The following EXOC4 variants were observed in gnomAD, a reference collection of about 807,000 sequenced individuals.
EXOC4 encodes exocyst complex component 4.
A neutral mutation model predicts 107.2 loss-of-function variants in EXOC4; 71 were observed. The ratio of observed to expected loss-of-function variants is 0.66; its 90% CI spans 0.55 to 0.81. The LOEUF is 0.81. EXOC4 is among the 30% of genes least tolerant of loss of function. The pLI, the probability that EXOC4 is intolerant of heterozygous loss-of-function variation, is 0.00. For synonymous variants in EXOC4, 456 were observed against 441.2 expected (o/e 1.03, Z -0.42); for missense variants, 1,108 against 1,189.6 (o/e 0.93, Z 1.01).
chr7:133,757,085 C>T (rs1030966366), intron 10 of EXOC4, among the ~76,000 whole-genome samples: 3 of 152,138 alleles, frequency 2.0e-5, no homozygotes, highest in Admixed American at 2.0e-4. Flanking sequence ...TTCGAGATTT[C>T]GTTTTCTGTG....
At chr7:133,857,148 G>GTATA (rs60382657) in intron 11 of EXOC4, among the ~76,000 whole-genome samples, 6 of 20,712 alleles carry the variant, frequency 2.9e-4, no homozygotes, top group East Asian at 1.2e-3. Context: ...ACACATACAC[G>GTATA]TATATATATA....
intron 11 of EXOC4, among the ~76,000 whole-genome samples, chr7:133,876,091 G>A (rs1313628357): frequency 6.6e-6 from 1 of 152,136 alleles, no homozygotes; most frequent in Non-Finnish European, 1.5e-5. Flanking sequence ...TTTGCTATAA[G>A]CTCATCTATA....
chr7:133,602,112 C>T (rs945986190), intron 9 of EXOC4: 2 of 152,194 alleles, frequency 1.3e-5, no homozygotes, highest in Non-Finnish European at 2.9e-5. Flanking sequence ...AAATATACAA[C>T]TCCAAATAGA....
At chr7:133,386,921 C>A (rs1796739951) in intron 7 of EXOC4, among the ~76,000 whole-genome samples, 1 of 152,056 alleles carries the variant, frequency 6.6e-6, no homozygotes, top group Non-Finnish European at 1.5e-5. Flanking sequence ...AGACAGTGCA[C>A]TATAATGTAT....
intron 7 of EXOC4, among the ~76,000 whole-genome samples, chr7:133,460,790 G>A (rs1409253885): frequency 6.6e-6 from 1 of 152,108 alleles, no homozygotes; most frequent in African/African-American, 2.4e-5. Context: ...AGAAATTGGT[G>A]ATATTAAGTT....
At chr7:133,992,394 C>T (rs1378789673) in intron 14 of EXOC4, among the ~76,000 whole-genome samples, 1 of 151,988 alleles carries the variant, frequency 6.6e-6, no homozygotes, top group African/African-American at 2.4e-5. Flanking sequence ...GTGATCCTCC[C>T]GCCTCAGCCT....
chr7:134,073,205 C>CAA, the EXOC4 span, among the ~76,000 whole-genome samples: 8,186 of 22,524 alleles, frequency 0.36, 2,708 homozygotes, highest in Non-Finnish European at 0.4. Context: ...GACTTCCTCT[C>CAA]AAAAAAAAAA....
intron 17 of EXOC4, among the ~76,000 whole-genome samples, chr7:134,015,094 AAAG>A (rs1794870525): frequency 6.6e-6 from 1 of 152,198 alleles, no homozygotes; most frequent in Admixed American, 6.5e-5. Context: ...GGAGGTGGTG[AAAG>A]AAGAGACCTG....
intron 10 of EXOC4, among the ~76,000 whole-genome samples, chr7:133,705,907 T>C (rs1248453375): frequency 6.6e-6 from 1 of 152,192 alleles, no homozygotes; most frequent in Non-Finnish European, 1.5e-5. Context: ...TGGAACACAA[T>C]TGACTGCAGA....
Position 133,649,500 on chromosome 7 carries a change from A to G in EXOC4, c.1514+19359A>G, listed in dbSNP as rs539282254. On this transcript the variant is annotated intron_variant, in intron 10 of 17. Transcript: ENST00000253861. ...TTTTTTTTTTTAACCAGTAAAGATT[A>G]TTTATAACTTTGATTTCTTTCATGC... 5.4e-5 allele frequency among the ~76,000 whole-genome samples: 5 copies of G among 92,432 alleles called. No individual in the cohort carries two copies. The South Asian group carries it at 9.8e-4, about 18-fold the overall frequency. The allele number at this position is 92,432 out of a possible 152,430, so 60.6% of individuals were successfully genotyped here.
chr7:133,531,998 A>G (rs1427555121), intron 9 of EXOC4, among the ~76,000 whole-genome samples: 1 of 152,062 alleles, frequency 6.6e-6, no homozygotes, highest in African/African-American at 2.4e-5. Context: ...TGTTTTTTAT[A>G]TACATAGCCT....
intron 10 of EXOC4, among the ~76,000 whole-genome samples, chr7:133,694,950 G>C (rs1044698520): frequency 2.0e-5 from 3 of 152,132 alleles, no homozygotes; most frequent in African/African-American, 7.2e-5. Context: ...AGCCTCCCGA[G>C]TAGCTGGGAT....
At chr7:134,047,676 C>T (rs752351552) in intron 17 of EXOC4, among the ~76,000 whole-genome samples, 7 of 151,114 alleles carry the variant, frequency 4.6e-5, no homozygotes, top group South Asian at 2.1e-4. Context: ...GAGTTTGAGT[C>T]GTGTCCATCA....
intron 4 of EXOC4, chr7:133,315,415 G>A (rs1426838911): frequency 6.6e-6 from 1 of 152,174 alleles, no homozygotes; most frequent in East Asian, 1.9e-4. Flanking sequence ...ACACCATTAG[G>A]GTGGCACGGA....
intron 17 of EXOC4, among the ~76,000 whole-genome samples, chr7:134,055,032 G>C (rs1795889624): frequency 6.6e-6 from 1 of 152,166 alleles, no homozygotes; most frequent in African/African-American, 2.4e-5. Context: ...TAAGGATTTA[G>C]TTAATACACC....
At chr7:133,944,274 T>C (rs943233451) in intron 14 of EXOC4, among the ~76,000 whole-genome samples, 2 of 152,186 alleles carry the variant, frequency 1.3e-5, no homozygotes, top group Non-Finnish European at 2.9e-5. Flanking sequence ...TATCACATAG[T>C]GATGTCTCCT....
chr7:133,266,380 C>T (rs1793731501), intron 1 of EXOC4, among the ~76,000 whole-genome samples: 1 of 152,148 alleles, frequency 6.6e-6, no homozygotes. Context: ...GGGAGGGACA[C>T]AGTTCAATTT....
chr7:133,800,490 A>G (rs1189192804), intron 10 of EXOC4, among the ~76,000 whole-genome samples: 2 of 152,224 alleles, frequency 1.3e-5, no homozygotes, highest in Non-Finnish European at 1.5e-5. Flanking sequence ...CTTTAGGAAT[A>G]AAAGTTTTCC....
chr7:133,346,506 A>G (rs1470659018), intron 5 of EXOC4, among the ~76,000 whole-genome samples: 2 of 152,056 alleles, frequency 1.3e-5, no homozygotes, highest in African/African-American at 4.8e-5. Flanking sequence ...AAGAGTGTGA[A>G]TTTATAGTGC....
Sources: gnomAD v4.1 joint callset for allele counts (sites outside exome capture counted in the v4.1 genomes callset) on GRCh38, gnomAD v4.1.1 for gene constraint, MANE v1.5 for transcripts, NCBI Gene and HGNC (gene_info 2026-07-23, HGNC 2026-07-21) for gene names.